Variants in CABLES1 observed in about 807,000 individuals in gnomAD.
CABLES1 encodes CDK5 and ABL1 enzyme substrate 1.
CABLES1 carries 36 observed loss-of-function variants against 57.8 expected under a neutral mutation model. That is an observed-to-expected ratio of 0.62 (90% CI 0.48 to 0.82). The LOEUF (loss-of-function observed/expected upper bound fraction) is 0.82. Ranked by LOEUF, CABLES1 falls within the 40% of genes least tolerant of loss-of-function variation. The pLI, the probability that CABLES1 is intolerant of heterozygous loss-of-function variation, is 0.00. For synonymous variants in CABLES1, 374 were observed against 363.0 expected, an observed-to-expected ratio of 1.03 and a Z score of -0.35; for missense variants, 767 against 836.6, an observed-to-expected ratio of 0.92 and a Z score of 1.03.
At chr18:23,229,735 A>T (rs970336362) in intron 4 of CABLES1, among the ~76,000 whole-genome samples, 1 of 152,202 alleles carries the variant, frequency 6.6e-6, no homozygotes, top group African/African-American at 2.4e-5. Context: ...TTTGGAGCGA[A>T]TCTCCACCAT....
chr18:23,177,447 A>ACG (rs1343295059), intron 1 of CABLES1, among the ~76,000 whole-genome samples: 1 of 151,358 alleles, frequency 6.6e-6, no homozygotes, highest in East Asian at 1.9e-4. Flanking sequence ...ACACACACAC[A>ACG]CACACACGTT....
At chr18:23,236,601 TG>T (rs925194894) in intron 6 of CABLES1, among the ~76,000 whole-genome samples, 3 of 152,082 alleles carry the variant, frequency 2.0e-5, no homozygotes, top group Non-Finnish European at 4.4e-5. Flanking sequence ...AAATTCCAGG[TG>T]GATGTGAAGT....
intron 7 of CABLES1, among the ~76,000 whole-genome samples, chr18:23,239,672 G>A (rs2145092440): frequency 6.6e-6 from 1 of 152,236 alleles, no homozygotes; most frequent in East Asian, 1.9e-4. Context: ...ATTGATTGAG[G>A]CCTTATTATG....
intron 6 of CABLES1, among the ~76,000 whole-genome samples, 158 bp from the exon 7 acceptor site, chr18:23,236,984 A>G (rs763362210): frequency 1.3e-5 from 2 of 152,152 alleles, no homozygotes; most frequent in Non-Finnish European, 2.9e-5. Flanking sequence ...GCACACGGAG[A>G]TGTCTAATAA....
At chr18:23,234,132 C>T (rs539932881) in intron 4 of CABLES1, among the ~76,000 whole-genome samples, 20 of 152,242 alleles carry the variant, frequency 1.3e-4, no homozygotes, top group African/African-American at 4.3e-4. Context: ...GCAGAAGAAT[C>T]GCTTGAACCT....
intron 7 of CABLES1, among the ~76,000 whole-genome samples, chr18:23,243,431 G>A (rs942931667): frequency 6.7e-6 from 1 of 149,580 alleles, no homozygotes; most frequent in Non-Finnish European, 1.5e-5. Context: ...ATTGTGCTGT[G>A]TGGGGGAGGG....
At chr18:23,225,553 T>C (rs1238345098) in intron 4 of CABLES1, among the ~76,000 whole-genome samples, 2 of 152,158 alleles carry the variant, frequency 1.3e-5, no homozygotes, top group Admixed American at 6.5e-5. Flanking sequence ...GAGGAACAGA[T>C]GTTGCCCAGC....
chr18:23,209,293 C>T (rs1045113916), intron 3 of CABLES1, among the ~76,000 whole-genome samples: 5 of 152,224 alleles, frequency 3.3e-5, no homozygotes, highest in Non-Finnish European at 7.3e-5. Context: ...TCAGTGCTAT[C>T]CGTGGTTTCA....
rs773576703 is a variant in CABLES1, at chr18:23,236,044, C to T, written c.1335C>T (p.Leu445=). The change falls in exon 6 of 10, where the codon CTC becomes CTT. Residue 445 remains leucine, a synonymous_variant. Transcript: ENST00000256925. ...IGRASGTQGS[L]DTGSDLGDFM... is the part of the protein sequence containing the mutation. ...GGGCAAGCGGCACCCAGGGGAGCCT[C>T]GACACAGGTAACCTTGGCCTGGCTG... 9.3e-6 allele frequency: 15 copies of T among 1,613,902 alleles called. No individual in the cohort carries two copies. Among genetic ancestry groups the T allele is most frequent in the South Asian group, 1.1e-5 (1 of 91,060 alleles).
At chr18:23,179,938 A>T (rs895116309) in intron 1 of CABLES1, among the ~76,000 whole-genome samples, 23 of 152,086 alleles carry the variant, frequency 1.5e-4, no homozygotes, top group Non-Finnish European at 2.9e-4. Context: ...TTGTTTTTTG[A>T]GACGGAGTCT....
At chr18:23,187,122 T>G (rs1320986354) in intron 1 of CABLES1, among the ~76,000 whole-genome samples, 1 of 152,212 alleles carries the variant, frequency 6.6e-6, no homozygotes, top group Non-Finnish European at 1.5e-5. Flanking sequence ...GTTCCCCACC[T>G]CCTCAGCTCG....
chr18:23,194,524 G>T lies in CABLES1; in HGVS notation c.994G>T (p.Asp332Tyr). The T allele has an allele frequency of 6.2e-7, 1 of 1,611,292 alleles. No homozygotes were observed. Among genetic ancestry groups the T allele is most frequent in the Middle Eastern group, 1.7e-4 (1 of 6,054 alleles). Residue 332 changes from aspartate (D) to tyrosine (Y), a missense_variant, in exon 3 of 10, where the codon GAT (aspartate) becomes TAT (tyrosine). Asp to Tyr is a radical substitution (Grantham distance 160). Transcript: ENST00000256925. ...IHFIKNMRQH[D>Y]TRNGRIVLIS... ...TTTTATCAAGAACATGCGGCAACAC[G>T]ATACCAGGAATGGCAGGTACTACAT...
At chr18:23,192,461 TC>T (rs756773035) in intron 2 of CABLES1, among the ~76,000 whole-genome samples, 38 of 152,182 alleles carry the variant, frequency 2.5e-4, no homozygotes, top group Non-Finnish European at 4.6e-4. Flanking sequence ...AGGCCATCCT[TC>T]GTCTGTGCTG....
At chr18:23,245,829 G>A (rs1369516218) in intron 7 of CABLES1, among the ~76,000 whole-genome samples, 1 of 152,244 alleles carries the variant, frequency 6.6e-6, no homozygotes, top group Non-Finnish European at 1.5e-5. Flanking sequence ...CTCGCTCCAT[G>A]AGCGGAATGA....
intron 1 of CABLES1, among the ~76,000 whole-genome samples, chr18:23,186,721 C>T (rs559751274): frequency 4.6e-5 from 7 of 152,168 alleles, no homozygotes; most frequent in South Asian, 2.1e-4. Flanking sequence ...CATGCCCAGC[C>T]GGATTAAGGA....
chr18:23,174,213 T>C (rs2047104135), intron 1 of CABLES1, among the ~76,000 whole-genome samples: 1 of 152,214 alleles, frequency 6.6e-6, no homozygotes, highest in Non-Finnish European at 1.5e-5. Flanking sequence ...ATACACGACG[T>C]GGTCTCTGGT....
intron 7 of CABLES1, among the ~76,000 whole-genome samples, chr18:23,245,797 C>T (rs867159689): frequency 2.0e-5 from 3 of 152,234 alleles, no homozygotes; most frequent in East Asian, 1.9e-4. Context: ...TTCAAGTGCT[C>T]GACAGTGCAT....
At chr18:23,167,247 C>T (rs2047049224) in intron 1 of CABLES1, among the ~76,000 whole-genome samples, 1 of 152,024 alleles carries the variant, frequency 6.6e-6, no homozygotes. Context: ...TTCCAGGCTG[C>T]TTTGGGAGAC....
chr18:23,161,804 C>G (rs1290113073), intron 1 of CABLES1, among the ~76,000 whole-genome samples: 2 of 149,382 alleles, frequency 1.3e-5, no homozygotes, highest in Admixed American at 6.7e-5. Context: ...CACCTGTAGT[C>G]CCAGCTACTC....
Sources: allele counts gnomAD v4.1 joint callset (sites outside exome capture counted in the v4.1 genomes callset), GRCh38; gene constraint gnomAD v4.1.1; transcripts MANE v1.5; gene names NCBI Gene and HGNC (gene_info 2026-07-23, HGNC 2026-07-21).